GPR39: variants seen among roughly 807,000 people sequenced by gnomAD.
GPR39 encodes the protein zinc sensing receptor.
In GPR39, 23 loss-of-function variants were observed where a neutral mutation model predicts 18.4. The observed-to-expected ratio is 1.25, with a 90% CI of 0.90 to 1.77. The LOEUF (loss-of-function observed/expected upper bound fraction) is 1.77, where lower values mean the gene tolerates loss of function less well. Among genes scored for constraint, GPR39 ranks in the 40% most tolerant of loss-of-function variants. The pLI is 0.00. For missense variants in GPR39, 647 were observed against 602.4 expected (o/e 1.07, Z -0.78); for synonymous variants, 280 against 257.9 (o/e 1.09, Z -0.82).
intron 1 of GPR39, among the ~76,000 whole-genome samples, chr2:132,561,771 T>C (rs1223117710): frequency 1.3e-5 from 2 of 152,012 alleles, no homozygotes; most frequent in Non-Finnish European, 2.9e-5. Flanking sequence ...ACAAACCTGG[T>C]AGGTTCAAGA....
At chr2:132,534,651 A>G (rs1308160952) in intron 1 of GPR39, among the ~76,000 whole-genome samples, 1 of 151,998 alleles carries the variant, frequency 6.6e-6, no homozygotes, top group African/African-American at 2.4e-5. Context: ...ATGGAATACT[A>G]TGCAGCCATA....
chr2:132,517,053 C>A (rs1186917533), intron 1 of GPR39, among the ~76,000 whole-genome samples: 1 of 151,524 alleles, frequency 6.6e-6, no homozygotes, highest in East Asian at 1.9e-4. Flanking sequence ...ATAAAATGCG[C>A]ATTTTTTTTT....
intron 1 of GPR39, among the ~76,000 whole-genome samples, chr2:132,642,090 A>C (rs1211046653): frequency 6.6e-6 from 1 of 152,224 alleles, no homozygotes; most frequent in Non-Finnish European, 1.5e-5. Flanking sequence ...GGAAATTAGC[A>C]GAGTGCTTAG....
intron 1 of GPR39, among the ~76,000 whole-genome samples, chr2:132,567,230 G>C (rs1558842380): frequency 6.6e-6 from 1 of 152,210 alleles, no homozygotes; most frequent in East Asian, 1.9e-4. Flanking sequence ...GCTGAGGCAG[G>C]AGAATCGCTT....
At chr2:132,607,464 T>G (rs1402687231) in intron 1 of GPR39, among the ~76,000 whole-genome samples, 1 of 152,198 alleles carries the variant, frequency 6.6e-6, no homozygotes, top group Non-Finnish European at 1.5e-5. Flanking sequence ...TGGGATTCTA[T>G]TTTTAATAGC....
At chr2:132,634,059 G>A (rs974814212) in intron 1 of GPR39, among the ~76,000 whole-genome samples, 1 of 151,808 alleles carries the variant, frequency 6.6e-6, no homozygotes, top group African/African-American at 2.4e-5. Context: ...GATGGTGGGG[G>A]TGGCAGTAGT....
At chr2:132,613,490 A>T (rs1388715291) in intron 1 of GPR39, among the ~76,000 whole-genome samples, 2 of 152,096 alleles carry the variant, frequency 1.3e-5, no homozygotes, top group Admixed American at 6.6e-5. Context: ...AGGGAGTGGG[A>T]ATTCTTTGTT....
intron 1 of GPR39, among the ~76,000 whole-genome samples, chr2:132,586,668 G>A (rs775780074): frequency 2.0e-5 from 3 of 152,188 alleles, no homozygotes; most frequent in Non-Finnish European, 4.4e-5. Flanking sequence ...TAAACCACAA[G>A]GTGATAGTCT....
Position 132,417,076 on chromosome 2 carries a change from TC to T in GPR39, c.37del (p.Gln13LysfsTer26). On this transcript the variant is annotated frameshift_variant, in exon 1 of 2. Coordinates refer to ENST00000329321, the MANE Select transcript of GPR39 (RefSeq NM_001508.3). LOFTEE classifies it high-confidence loss of function. Reference sequence around the variant, plus strand: ...ACCCAGCCTCCCGGGCAGTGACTGCTCCCAAATCATTGATCACAGTCATGTC... The same window carrying T: ...ACCCAGCCTCCCGGGCAGTGACTGCTCCAAATCATTGATCACAGTCATGTC... ...ASPSLPGSDC[S>X]QIIDHSHVPE... 5 of 1,614,104 alleles carry T rather than the reference TC, an allele frequency of 3.1e-6. No individual in the cohort carries two copies. Among genetic ancestry groups the T allele is most frequent in the Non-Finnish European group, 4.2e-6 (5 of 1,180,010 alleles).
intron 1 of GPR39, among the ~76,000 whole-genome samples, chr2:132,492,641 T>TATATATATAATATATATA (rs1558814490): frequency 0.15 from 20,180 of 135,632 alleles, 7,020 homozygotes; most frequent in Non-Finnish European, 0.22. Context: ...ATACACACCA[T>TATATATATAATATATATA]CTATATATAA....
At chr2:132,557,044 G>A (rs1680164579) in intron 1 of GPR39, among the ~76,000 whole-genome samples, 1 of 151,132 alleles carries the variant, frequency 6.6e-6, no homozygotes, top group African/African-American at 2.4e-5. Context: ...GGCCAGGTAT[G>A]GTGGCTCATG....
intron 1 of GPR39, among the ~76,000 whole-genome samples, chr2:132,484,457 G>A (rs1457874567): frequency 6.6e-6 from 1 of 152,226 alleles, no homozygotes; most frequent in East Asian, 1.9e-4. Flanking sequence ...ACCCCATGCA[G>A]GCATTTGCCA....
At chr2:132,441,035 C>G (rs538678193) in intron 1 of GPR39, among the ~76,000 whole-genome samples, 1 of 152,168 alleles carries the variant, frequency 6.6e-6, no homozygotes, top group Admixed American at 6.5e-5. Flanking sequence ...ATTAAAAACT[C>G]AAGCAGGCTG....
intron 1 of GPR39, among the ~76,000 whole-genome samples, chr2:132,584,792 G>A (rs1178225823): frequency 1.3e-5 from 2 of 152,206 alleles, no homozygotes; most frequent in Non-Finnish European, 2.9e-5. Context: ...TCTATTAGAC[G>A]ATTACCAGTG....
chr2:132,478,222 G>T (rs1202943392), intron 1 of GPR39, among the ~76,000 whole-genome samples: 1 of 152,218 alleles, frequency 6.6e-6, no homozygotes, highest in Non-Finnish European at 1.5e-5. Context: ...TCCTTGAGGG[G>T]AGGAGTTATG....
chr2:132,603,437 A>T (rs1681079936), intron 1 of GPR39, among the ~76,000 whole-genome samples: 3 of 152,168 alleles, frequency 2.0e-5, no homozygotes, highest in Non-Finnish European at 4.4e-5. Context: ...GAGAGGAGGT[A>T]TGAGTTCTAG....
intron 1 of GPR39, among the ~76,000 whole-genome samples, chr2:132,603,597 A>G (rs1443515830): frequency 1.3e-5 from 2 of 152,070 alleles, no homozygotes; most frequent in African/African-American, 2.4e-5. Context: ...TGATCATTAC[A>G]TACTATATAC....
At chr2:132,624,836 T>C (rs989706271) in intron 1 of GPR39, among the ~76,000 whole-genome samples, 1 of 152,234 alleles carries the variant, frequency 6.6e-6, no homozygotes, top group Non-Finnish European at 1.5e-5. Flanking sequence ...TTTTCTACCA[T>C]TGATGAGCTT....
At chr2:132,476,211 A>G (rs1681122588) in intron 1 of GPR39, among the ~76,000 whole-genome samples, 1 of 152,178 alleles carries the variant, frequency 6.6e-6, no homozygotes, top group South Asian at 2.1e-4. Context: ...CCAAAGGTGA[A>G]TTGTATCCCA....
Sources: allele counts gnomAD v4.1 joint callset (sites outside exome capture counted in the v4.1 genomes callset), GRCh38; gene constraint gnomAD v4.1.1; transcripts MANE v1.5; gene names NCBI Gene and HGNC (gene_info 2026-07-23, HGNC 2026-07-21).